Variants in SATL1 observed in about 807,000 individuals in gnomAD.
The protein encoded by SATL1 is spermidine/spermine N1-acetyl transferase like 1.
A neutral mutation model predicts 51.8 loss-of-function variants in SATL1; 47 were observed. That is an observed-to-expected ratio of 0.91 (90% CI 0.72 to 1.16). The LOEUF is 1.16. Among genes scored for constraint, SATL1 ranks in the 50% most tolerant of loss-of-function variants. The pLI is 0.00. For missense variants in SATL1, 520 were observed against 526.4 expected, an observed-to-expected ratio of 0.99 and a Z score of 0.12; for synonymous variants, 176 against 182.4, an observed-to-expected ratio of 0.97 and a Z score of 0.28.
chrX:85,219,933 A>G (rs1928135365), intron 2 of SATL1, among the ~76,000 whole-genome samples: 1 of 108,120 alleles, frequency 9.2e-6, no homozygotes, highest in Non-Finnish European at 1.9e-5. Flanking sequence ...CCATATAAGA[A>G]CCGAAATTCA....
At chrX:85,140,828 C>T (rs1926091295) in intron 2 of SATL1, among the ~76,000 whole-genome samples, 2 of 111,241 alleles carry the variant, frequency 1.8e-5, no homozygotes, top group South Asian at 7.7e-4. Flanking sequence ...TATTATTGTC[C>T]CTTTAATTAA....
intron 2 of SATL1, chrX:85,118,525 T>G (rs1005936972): frequency 4.8e-4 from 37 of 77,551 alleles, no homozygotes; most frequent in African/African-American, 1.2e-3. Flanking sequence ...CAAAAATAAG[T>G]GACTCCAGAA....
intron 2 of SATL1, among the ~76,000 whole-genome samples, chrX:85,121,671 T>C (rs1400169899): frequency 1.9e-5 from 2 of 106,866 alleles, no homozygotes; most frequent in African/African-American, 6.8e-5. Context: ...TCATGGGGGG[T>C]GTCTTGTCGA....
At chrX:85,128,673 C>A (rs147810349) in intron 2 of SATL1, among the ~76,000 whole-genome samples, 1 of 111,353 alleles carries the variant, frequency 9.0e-6, no homozygotes, top group Non-Finnish European at 1.9e-5. Context: ...TTGTCTATTT[C>A]GGCTTTTGTT....
intron 2 of SATL1, among the ~76,000 whole-genome samples, chrX:85,113,924 T>C (rs749165661): frequency 1.1e-4 from 12 of 111,455 alleles, no homozygotes; most frequent in Non-Finnish European, 2.1e-4. Flanking sequence ...GTGACATTCT[T>C]TACTTACCAC....
chrX:85,200,853 T>C (rs944329881), intron 2 of SATL1, among the ~76,000 whole-genome samples: 1 of 110,816 alleles, frequency 9.0e-6, no homozygotes, highest in South Asian at 3.7e-4. Context: ...TAATATTATA[T>C]AATTAACATT....
At chrX:85,230,188 T>C (rs1379307906) in intron 1 of SATL1, among the ~76,000 whole-genome samples, 1 of 111,481 alleles carries the variant, frequency 9.0e-6, no homozygotes, top group Non-Finnish European at 1.9e-5. Flanking sequence ...AAAGCTATAG[T>C]AATAAAAACA....
intron 1 of SATL1, among the ~76,000 whole-genome samples, chrX:85,228,813 C>A (rs1397953669): frequency 9.0e-6 from 1 of 111,443 alleles, no homozygotes; most frequent in African/African-American, 3.3e-5. Flanking sequence ...AACAATTCTC[C>A]AGAGTTCAGT....
At chrX:85,195,035 T>C (rs868386653) in intron 2 of SATL1, among the ~76,000 whole-genome samples, 3 of 108,108 alleles carry the variant, frequency 2.8e-5, no homozygotes, top group Non-Finnish European at 3.8e-5. Context: ...TATATATATA[T>C]ACATAAAAAG....
chrX:85,198,190 T>G (rs1927613896), intron 2 of SATL1, among the ~76,000 whole-genome samples: 1 of 112,122 alleles, frequency 8.9e-6, no homozygotes, highest in Non-Finnish European at 1.9e-5. Flanking sequence ...CTAAATAGTA[T>G]TCCATTGTGC....
At chrX:85,100,255 ACTAT>A (rs1334325967) in intron 4 of SATL1, among the ~76,000 whole-genome samples, 1 of 112,491 alleles carries the variant, frequency 8.9e-6, no homozygotes, top group Admixed American at 9.4e-5. Context: ...AAAAGGTAAA[ACTAT>A]CTATTTGCAG....
At chrX:85,159,973 C>T (rs1926681086) in intron 2 of SATL1, among the ~76,000 whole-genome samples, 1 of 111,352 alleles carries the variant, frequency 9.0e-6, no homozygotes, top group Admixed American at 9.6e-5. Context: ...TAGGCCCCCA[C>T]CATCACAGTG....
At chrX:85,210,968 C>T (rs1927909045) in intron 2 of SATL1, 1 of 111,379 alleles carries the variant, frequency 9.0e-6, no homozygotes, top group Admixed American at 9.6e-5. Context: ...TACTTAACCT[C>T]TATCTTACCC....
intron 2 of SATL1, among the ~76,000 whole-genome samples, chrX:85,158,047 A>T: frequency 8.9e-6 from 1 of 111,834 alleles, no homozygotes; most frequent in East Asian, 2.8e-4. Flanking sequence ...CTGAACGTAC[A>T]TTTGAAAGAT....
At chrX:85,136,529 T>C (rs1033474988) in intron 2 of SATL1, among the ~76,000 whole-genome samples, 4 of 112,010 alleles carry the variant, frequency 3.6e-5, no homozygotes, top group Non-Finnish European at 5.6e-5. Context: ...GCAGAGAGTT[T>C]CCAGAAGGGA....
intron 2 of SATL1, among the ~76,000 whole-genome samples, chrX:85,168,903 T>C (rs1332143373): frequency 9.0e-6 from 1 of 111,667 alleles, no homozygotes; most frequent in Non-Finnish European, 1.9e-5. Flanking sequence ...CGAAACAGCA[T>C]ACTACTTGTA....
intron 2 of SATL1, among the ~76,000 whole-genome samples, chrX:85,199,672 C>A (rs1408876226): frequency 1.8e-5 from 2 of 111,316 alleles, no homozygotes; most frequent in African/African-American, 3.3e-5. Context: ...ATAAACCAGG[C>A]ACAGAAAGAC....
intron 2 of SATL1, among the ~76,000 whole-genome samples, chrX:85,180,773 C>T (rs1927184525): frequency 9.0e-6 from 1 of 111,139 alleles, no homozygotes; most frequent in Non-Finnish European, 1.9e-5. Context: ...AGAGCAGCTG[C>T]TTCTAGTTTA....
At chrX:85,148,696 T>A (rs190150502) in intron 2 of SATL1, among the ~76,000 whole-genome samples, 2 of 111,570 alleles carry the variant, frequency 1.8e-5, no homozygotes, top group Non-Finnish European at 3.8e-5. Flanking sequence ...CAACCCAGAA[T>A]TTCATATGCA....
Sources: allele counts gnomAD v4.1 joint callset (sites outside exome capture counted in the v4.1 genomes callset), GRCh38; gene constraint gnomAD v4.1.1; transcripts MANE v1.5; gene names NCBI Gene and HGNC (gene_info 2026-07-23, HGNC 2026-07-21).